ZNF512: variants seen among roughly 807,000 people sequenced by gnomAD.
ZNF512 encodes the protein zinc finger protein 512.
A neutral mutation model predicts 77.5 loss-of-function variants in ZNF512; 25 were observed. That is an observed-to-expected ratio of 0.32 (90% CI 0.23 to 0.45). The LOEUF (loss-of-function observed/expected upper bound fraction) is 0.45. Among genes scored for constraint, ZNF512 ranks in the 20% least tolerant of loss-of-function variants. The probability of loss-of-function intolerance (pLI) is 1.00; values close to 1 mark genes in which losing one functional copy is unlikely to be tolerated. For synonymous variants in ZNF512, 246 were observed against 239.9 expected (o/e 1.03, Z -0.24); for missense variants, 483 against 692.6 (o/e 0.70, Z 3.40).
At chr2:27,592,667 C>CTTTTTTTTTTTTTTTTT (rs139890307) in intron 2 of ZNF512, among the ~76,000 whole-genome samples, 6 of 81,558 alleles carry the variant, frequency 7.4e-5, no homozygotes, top group Non-Finnish European at 7.0e-5. Context: ...CCATGTTTAC[C>CTTTTTTTTTTTTTTTTT]TTTTTTTTTT....
chr2:27,591,133 C>T (rs1671557494), intron 2 of ZNF512, among the ~76,000 whole-genome samples: 1 of 152,200 alleles, frequency 6.6e-6, no homozygotes, highest in African/African-American at 2.4e-5. Flanking sequence ...AATTCCTCAG[C>T]TCAAGGGATC....
chr2:27,583,237 T>C, intron 1 of ZNF512, 95 bp downstream of exon 1: 2 of 1,573,928 alleles, frequency 1.3e-6, no homozygotes, highest in Non-Finnish European at 1.7e-6. Context: ...GAGTTGGTTT[T>C]ATCAGAGGCC....
In ZNF512 at chr2:27,599,609, A is replaced by G. The variant is rs1238152888; in HGVS notation, c.304A>G (p.Lys102Glu). 2 of 1,613,750 alleles carry G rather than the reference A, an allele frequency of 1.2e-6. No individual in the cohort carries two copies. The highest frequency in any genetic ancestry group is 2.2e-5 in the East Asian group (1 of 44,884). ...GTCAGGTGGAGTATCAGCCAAGGGGAAAAGGAAACCCAGGCAGGAAGAAGA... is the reference window on the plus strand; with the variant it reads ...GTCAGGTGGAGTATCAGCCAAGGGGGAAAGGAAACCCAGGCAGGAAGAAGA... Reference protein sequence around the residue: ...EGSGGVSAKGKRKPRQEEDED... With the variant: ...EGSGGVSAKGERKPRQEEDED... Residue 102 changes from lysine (K) to glutamate (E), a missense_variant, in exon 4 of 14, where the codon AAA becomes GAA. Around this residue, in one of 2 missense-constraint regions of ZNF512, gnomAD observed 159 missense variants for 167.5 expected, o/e 0.95. Coordinates refer to ENST00000355467, the MANE Select transcript of ZNF512 (RefSeq NM_032434.4).
chr2:27,601,476 G>A (rs1672111141), intron 7 of ZNF512, 34 bp downstream of exon 7: 1 of 1,567,732 alleles, frequency 6.4e-7, no homozygotes, highest in Non-Finnish European at 8.7e-7. Flanking sequence ...TGAGTGTTTG[G>A]ATGTCTTTTT....
intron 11 of ZNF512, 138 bp downstream of exon 11, chr2:27,615,407 A>G (rs1483329084): frequency 3.6e-6 from 2 of 551,034 alleles, no homozygotes; most frequent in African/African-American, 2.0e-5. Flanking sequence ...AATTCCATAG[A>G]GCAATAATTC....
At chr2:27,584,318 A>G (rs1349212730) in intron 2 of ZNF512, among the ~76,000 whole-genome samples, 1 of 152,244 alleles carries the variant, frequency 6.6e-6, no homozygotes, top group African/African-American at 2.4e-5. Flanking sequence ...GCCGTAAGAA[A>G]TCCTTGTATT....
chr2:27,597,142 C>G (rs547552912), intron 2 of ZNF512, among the ~76,000 whole-genome samples: 2 of 152,306 alleles, frequency 1.3e-5, no homozygotes, highest in Admixed American at 1.3e-4. Context: ...CTTCCAACTC[C>G]CTGATGTCAT....
rs1672442760 is a variant in ZNF512, at chr2:27,607,916, C to T, written c.1008C>T (p.Gly336=). 6.2e-7 allele frequency: 1 copy of T among 1,613,892 alleles called. No homozygotes were observed. Among genetic ancestry groups the T allele is most frequent in the Admixed American group, 1.7e-5 (1 of 59,972 alleles). ...TGAACCTAGAGTCAAAGAGTGGGGG[C>T]CGAGTTCAGAGACGTTCTGCCAAGA... The part of the protein sequence containing the change: ...KEMNLESKSG[G]RVQRRSAKIA... Residue 336 remains glycine (G), a synonymous_variant, in exon 10 of 14, where the codon GGC becomes GGT. Transcript: ENST00000355467.
intron 2 of ZNF512, among the ~76,000 whole-genome samples, chr2:27,589,306 T>G (rs1671469866): frequency 6.6e-6 from 1 of 152,202 alleles, no homozygotes; most frequent in Non-Finnish European, 1.5e-5. Context: ...GCTACTTAGA[T>G]TTCCAGTTTC....
At chr2:27,585,111 G>T (rs757647008) in intron 2 of ZNF512, among the ~76,000 whole-genome samples, 1 of 152,238 alleles carries the variant, frequency 6.6e-6, no homozygotes, top group South Asian at 2.1e-4. Context: ...GTGATGATGA[G>T]AAGTGAGTAA....
chr2:27,602,513 G>T lies in ZNF512; in HGVS notation c.720G>T (p.Arg240Ser), dbSNP rs761826846. 1.2e-6 allele frequency: 2 copies of T among 1,614,048 alleles called. No homozygotes were observed. The highest frequency in any genetic ancestry group is 3.3e-5 in the Admixed American group (2 of 59,994). ...TAGATGAGCCAAGTGAGAGGGAAAG[G>T]CTCCGAACAGTTCTAAAGAGACTGG... ...DEIDEPSERERLRTVLKRLGK... is the reference protein window; with the variant it reads ...DEIDEPSERESLRTVLKRLGK... The change falls in exon 8 of 14, where the codon AGG becomes AGT. Residue 240 changes from arginine (R) to serine (S), a missense_variant. Physicochemically the swap from Arg to Ser is moderately radical, Grantham distance 110 (BLOSUM62 -1). Transcript: ENST00000355467.
At chr2:27,610,566 ATATTTTTTTTTTTTT>A (rs1672602744) in intron 10 of ZNF512, among the ~76,000 whole-genome samples, 1 of 27,028 alleles carries the variant, frequency 3.7e-5, no homozygotes, top group Non-Finnish European at 6.9e-5. Context: ...ATATATATAT[ATATTTTTTTTTTTTT>A]TTTTTTTTTT....
At chr2:27,584,617 A>G (rs60972476) in intron 2 of ZNF512, among the ~76,000 whole-genome samples, 1,593 of 152,342 alleles carry the variant, frequency 0.01, 32 homozygotes, top group African/African-American at 0.036. Context: ...GCCTTTGAGG[A>G]AGGGGAGTGA....
chr2:27,583,824 G>A (rs1671220269), intron 2 of ZNF512, 108 bp downstream of exon 2: 1 of 1,219,892 alleles, frequency 8.2e-7, no homozygotes, highest in Non-Finnish European at 1.1e-6. Context: ...CAGTATCATA[G>A]CCACTAACCC....
intron 10 of ZNF512, among the ~76,000 whole-genome samples, chr2:27,609,231 G>T (rs1672501798): frequency 6.6e-6 from 1 of 152,128 alleles, no homozygotes. Context: ...GGACACTACT[G>T]GTGTCCAAGG....
At chr2:27,610,582 T>TATATATACACA (rs1558474959) in intron 10 of ZNF512, among the ~76,000 whole-genome samples, 7 of 52,880 alleles carry the variant, frequency 1.3e-4, no homozygotes, top group Non-Finnish European at 2.1e-4. Context: ...TTTTTTTTTT[T>TATATATACACA]TTTTTTTTTT....
intron 12 of ZNF512, among the ~76,000 whole-genome samples, chr2:27,616,615 CTTGCATT>C (rs1672890462): frequency 6.6e-6 from 1 of 152,178 alleles, no homozygotes; most frequent in Non-Finnish European, 1.5e-5. Context: ...GATTCAGCTC[CTTGCATT>C]TGAGCATCTC....
At chr2:27,589,284 A>G (rs944488483) in intron 2 of ZNF512, among the ~76,000 whole-genome samples, 2 of 152,152 alleles carry the variant, frequency 1.3e-5, no homozygotes, top group African/African-American at 2.4e-5. Flanking sequence ...CAGTTTATTT[A>G]ATAGATATAG....
chr2:27,622,773 A>G lies in ZNF512; in HGVS notation c.*1312A>G, dbSNP rs1019485620. 1.3e-5 allele frequency: 2 copies of G among 152,754 alleles called. No homozygotes were observed. The highest frequency in any genetic ancestry group is 6.5e-5 in the Admixed American group (1 of 15,282). The allele number at this position is 152,754 out of a possible 1,614,324, so 9.5% of individuals were successfully genotyped here. On this transcript the variant is annotated 3_prime_UTR_variant, in exon 14 of 14. Coordinates refer to ENST00000355467, the MANE Select transcript of ZNF512 (RefSeq NM_032434.4). ...AATGAACCTGATATAGACAAGTACT[A>G]CCTTTTCAAATTCTGAAAGGCTATT...
Sources: gnomAD v4.1 joint callset for allele counts (sites outside exome capture counted in the v4.1 genomes callset) on GRCh38, gnomAD v4.1.1 for gene constraint, gnomAD v4.1.1 regional missense constraint, MANE v1.5 for transcripts, NCBI Gene and HGNC (gene_info 2026-07-23, HGNC 2026-07-21) for gene names.